Variants in TET3 observed in about 807,000 individuals in gnomAD.
TET3 encodes tet methylcytosine dioxygenase 3, also known as methylcytosine dioxygenase TET3.
In TET3, 19 loss-of-function variants were observed where a neutral mutation model predicts 141.4. The ratio of observed to expected loss-of-function variants is 0.13; its 90% CI spans 0.09 to 0.20. The LOEUF is 0.20. Among genes scored for constraint, TET3 ranks in the 10% least tolerant of loss-of-function variants. The probability of loss-of-function intolerance (pLI) is 1.00; values close to 1 mark genes in which losing one functional copy is unlikely to be tolerated. For synonymous variants in TET3, 1,043 were observed against 980.9 expected (o/e 1.06, Z -1.18); for missense variants, 1,874 against 2,356.9 (o/e 0.80, Z 4.24).
intron 5 of TET3, 119 bp from the exon 6 acceptor site, chr2:74,080,377 CTG>C: frequency 1.2e-6 from 1 of 810,918 alleles, no homozygotes. Flanking sequence ...TCTTTCTTCT[CTG>C]TTGCCCCCGA....
At chr2:74,077,807 G>C (rs1049663927) in intron 5 of TET3, among the ~76,000 whole-genome samples, 1 of 152,220 alleles carries the variant, frequency 6.6e-6, no homozygotes, top group South Asian at 2.1e-4. Context: ...TAGTGCTTCC[G>C]TCTCAGCGAG....
intron 4 of TET3, among the ~76,000 whole-genome samples, chr2:74,070,478 A>G (rs1250524288): frequency 6.6e-6 from 1 of 152,148 alleles, no homozygotes; most frequent in Non-Finnish European, 1.5e-5. Flanking sequence ...ACAATTCAAG[A>G]TGAGATTTGG....
At position 74,093,005 on chromosome 2, in the gene TET3, G is replaced by A. The variant is rs1204578455; in HGVS notation, c.3129+14G>A. 15 of 1,557,602 alleles carry A rather than the reference G, an allele frequency of 9.6e-6. No individual in the cohort carries two copies. In the African/African-American group the frequency reaches 1.8e-4, roughly 18 times the overall value. On this transcript the variant is annotated intron_variant, in intron 9 of 11. Transcript: ENST00000409262. This position sits in a 1 kb window ranked among gnomAD's most constrained non-coding sequence, Gnocchi z 4.2. ...TATCAGAACCAGGTAACGGGCCCTGGGCCTTTTGCTGCCCACATGTCACCG... is the reference window on the plus strand; with the variant it reads ...TATCAGAACCAGGTAACGGGCCCTGAGCCTTTTGCTGCCCACATGTCACCG...
chr2:74,092,808 C>T lies in TET3; in HGVS notation c.3040-94C>T, dbSNP rs990234543. 3.7e-6 allele frequency: 4 copies of T among 1,091,494 alleles called. No homozygotes were observed. The African/African-American group carries it at 4.7e-5, about 13-fold the overall frequency. 67.6% of individuals were successfully genotyped at this position (1,091,494 alleles called of 1,614,324 possible). On this transcript the variant is annotated intron_variant, in intron 8 of 11. Transcript: ENST00000409262. ...CTGATAACACCTCCCTCCCAGCCTC[C>T]CCCACGATGCTTCAGGAATGCCAGT...
chr2:74,094,550 G>T (rs778645112), intron 10 of TET3, among the ~76,000 whole-genome samples: 4 of 152,192 alleles, frequency 2.6e-5, no homozygotes, highest in African/African-American at 9.7e-5. Flanking sequence ...AGAGAATGAG[G>T]TGTGTGATGG....
At chr2:74,029,390 A>G (rs1034100958) in intron 3 of TET3, among the ~76,000 whole-genome samples, 33 of 152,352 alleles carry the variant, frequency 2.2e-4, no homozygotes, top group Non-Finnish European at 3.2e-4. Context: ...AATATAGCAA[A>G]CAGGAGAAAA....
At chr2:74,042,465 A>G (rs369832540) in intron 3 of TET3, among the ~76,000 whole-genome samples, 4 of 152,008 alleles carry the variant, frequency 2.6e-5, no homozygotes, top group South Asian at 4.2e-4. Context: ...AAGAAAATCC[A>G]GGTTTCATGT....
chr2:74,116,831 C>T, the TET3 span, among the ~76,000 whole-genome samples: 2 of 152,086 alleles, frequency 1.3e-5, no homozygotes, highest in African/African-American at 2.4e-5. Flanking sequence ...AATCCCAGCA[C>T]TTTGGGTGCG....
the TET3 span, among the ~76,000 whole-genome samples, chr2:74,113,855 T>C: frequency 6.6e-6 from 1 of 152,038 alleles, no homozygotes; most frequent in African/African-American, 2.4e-5. Flanking sequence ...GAAAAATTCA[T>C]ATTATTAACA....
intron 8 of TET3, among the ~76,000 whole-genome samples, chr2:74,091,658 A>G (rs1326599187): frequency 1.3e-5 from 2 of 152,258 alleles, no homozygotes; most frequent in Admixed American, 6.5e-5. Flanking sequence ...CACTGGATGT[A>G]CAGCTGAGCT....
intron 2 of TET3, among the ~76,000 whole-genome samples, chr2:73,988,977 G>GAA (rs913447605): frequency 1.0e-5 from 1 of 96,898 alleles, no homozygotes; most frequent in Admixed American, 1.0e-4. Flanking sequence ...GCCTCTCTCT[G>GAA]AAAAAAAAAA....
At chr2:74,126,500 A>ATTT in the TET3 span, among the ~76,000 whole-genome samples, 18,090 of 120,622 alleles carry the variant, frequency 0.15, 1,775 homozygotes, top group East Asian at 0.38. Context: ...TATTTGCTGG[A>ATTT]TTTTTTTTTT....
rs765636437 is a variant in TET3 at position 74,090,067 on chromosome 2, G to C, written c.3039+20G>C. On this transcript the variant is annotated intron_variant, in intron 8 of 11. Transcript: ENST00000409262. ...AAAGAGGTGAGCAGAGCTGGGCGGG[G>C]ACCCTGCCTCCCATCCTTTCTCGCC... 2.5e-6 allele frequency: 4 copies of C among 1,611,422 alleles called. No homozygotes were observed. In the Admixed American group the frequency reaches 6.7e-5, roughly 27 times the overall value.
the TET3 span, chr2:74,134,455 C>A: frequency 3.4e-6 from 1 of 292,680 alleles, no homozygotes; most frequent in Non-Finnish European, 6.9e-6. Context: ...TTTTTTTCTG[C>A]CCTCAAAAAT....
chr2:74,003,304 A>T (rs1015693820), intron 3 of TET3, 138 bp downstream of exon 3: 535 of 754,374 alleles, frequency 7.1e-4, no homozygotes, highest in East Asian at 1.3e-3. Context: ...GCTGAGGGGG[A>T]GGGGCGGCGG....
chr2:74,116,082 C>T, the TET3 span, among the ~76,000 whole-genome samples: 19 of 148,972 alleles, frequency 1.3e-4, no homozygotes, highest in African/African-American at 4.7e-4. Flanking sequence ...CAAAAGAAGA[C>T]ATACAAATGG....
At chr2:74,060,511 CA>C (rs746747498) in intron 4 of TET3, among the ~76,000 whole-genome samples, 2 of 152,042 alleles carry the variant, frequency 1.3e-5, no homozygotes, top group African/African-American at 4.8e-5. Flanking sequence ...TTCATAAAAA[CA>C]TTTTTTTTTA....
chr2:74,020,890 C>A (rs1257524731), intron 3 of TET3, among the ~76,000 whole-genome samples: 1 of 152,170 alleles, frequency 6.6e-6, no homozygotes, highest in African/African-American at 2.4e-5. Context: ...TTTGCTTGAC[C>A]GCAGCAGTAA....
chr2:74,123,677 A>AC, the TET3 span, among the ~76,000 whole-genome samples: 1 of 151,634 alleles, frequency 6.6e-6, no homozygotes, highest in Admixed American at 6.6e-5. Flanking sequence ...CCCGGCCACC[A>AC]CCCCGTCTGG....
Sources: allele counts gnomAD v4.1 joint callset (sites outside exome capture counted in the v4.1 genomes callset), GRCh38; gene constraint gnomAD v4.1.1; non-coding constraint Gnocchi (gnomAD v3.1); transcripts MANE v1.5; gene names NCBI Gene and HGNC (gene_info 2026-07-23, HGNC 2026-07-21).